Variants in DCC observed in about 807,000 individuals in gnomAD.
The protein encoded by DCC is netrin receptor DCC.
A neutral mutation model predicts 172.5 loss-of-function variants in DCC; 58 were observed. That is an observed-to-expected ratio of 0.34 (90% confidence interval 0.27 to 0.42). The LOEUF is 0.42. Among genes scored for constraint, DCC ranks in the 10% least tolerant of loss-of-function variants. The pLI is 1.00. For missense variants in DCC, 1,740 were observed against 1,791.0 expected, an observed-to-expected ratio of 0.97 and a Z score of 0.51; for synonymous variants, 709 against 644.5, an observed-to-expected ratio of 1.10 and a Z score of -1.52.
chr18:53,465,806 C>T (rs1296183254), intron 24 of DCC, among the ~76,000 whole-genome samples: 1 of 151,358 alleles, frequency 6.6e-6, no homozygotes, highest in African/African-American at 2.4e-5. Flanking sequence ...ACTCTGTTGC[C>T]CAGGCTGGAG....
intron 7 of DCC, among the ~76,000 whole-genome samples, chr18:53,067,293 T>A (rs550214984): frequency 3.3e-5 from 5 of 151,770 alleles, no homozygotes; most frequent in Admixed American, 6.6e-5. Flanking sequence ...GGCCAAGGGG[T>A]GAGGATGGCT....
At chr18:52,498,417 A>T (rs919091167) in intron 1 of DCC, among the ~76,000 whole-genome samples, 15 of 152,238 alleles carry the variant, frequency 9.9e-5, no homozygotes, top group Non-Finnish European at 2.1e-4. Flanking sequence ...TGAGGTCATG[A>T]GTTTGAGACC....
Position 53,305,735 on chromosome 18 carries a change from G to A in DCC, c.2053+16G>A. ...CTATTCACAGGTCAGTGTTCACATG[G>A]TGTAGTCTTGCAAGGTTTTGATGAA... On this transcript the variant is annotated intron_variant, in intron 13 of 28. Coordinates refer to ENST00000442544, the MANE Select transcript of DCC (RefSeq NM_005215.4). 3 of 1,612,872 alleles carry A rather than the reference G, an allele frequency of 1.9e-6. No homozygotes were observed. The highest frequency in any genetic ancestry group is 1.7e-6 in the Non-Finnish European group (2 of 1,178,906).
chr18:53,075,845 C>T (rs905441453), intron 7 of DCC, among the ~76,000 whole-genome samples: 3 of 152,144 alleles, frequency 2.0e-5, no homozygotes, highest in African/African-American at 7.2e-5. Context: ...TAACCCCCAC[C>T]AGTGCAACTG....
At chr18:52,797,426 A>T (rs1827619882) in intron 2 of DCC, among the ~76,000 whole-genome samples, 1 of 152,132 alleles carries the variant, frequency 6.6e-6, no homozygotes, top group South Asian at 2.1e-4. Flanking sequence ...TTTCCTACAG[A>T]TGTATTATAG....
intron 4 of DCC, among the ~76,000 whole-genome samples, chr18:52,925,031 G>A (rs372839881): frequency 8.6e-5 from 13 of 151,634 alleles, no homozygotes; most frequent in African/African-American, 3.1e-4. Flanking sequence ...TTATTTGATC[G>A]CTACACACAA....
chr18:52,924,655 T>C (rs1259039274), intron 4 of DCC, among the ~76,000 whole-genome samples: 26 of 152,086 alleles, frequency 1.7e-4, no homozygotes, highest in Admixed American at 1.7e-3. Flanking sequence ...ATAGAGAAGG[T>C]AAGTCCATCA....
intron 12 of DCC, among the ~76,000 whole-genome samples, chr18:53,272,435 A>T (rs940020654): frequency 6.6e-6 from 1 of 152,164 alleles, no homozygotes. Context: ...ATCTTTTCTC[A>T]CAGAACTATC....
chr18:53,015,926 T>C (rs1169279413), intron 5 of DCC, among the ~76,000 whole-genome samples: 2 of 152,108 alleles, frequency 1.3e-5, no homozygotes. Flanking sequence ...AACCAAAACA[T>C]ATAAAAATAT....
intron 14 of DCC, among the ~76,000 whole-genome samples, chr18:53,331,340 C>T (rs2057527949): frequency 6.6e-6 from 1 of 152,318 alleles, no homozygotes; most frequent in South Asian, 2.1e-4. Flanking sequence ...GGACTAAGAT[C>T]TCTGCCTCCC....
chr18:52,370,471 C>T (rs1015000461), intron 1 of DCC, among the ~76,000 whole-genome samples: 4 of 152,060 alleles, frequency 2.6e-5, no homozygotes, highest in Non-Finnish European at 4.4e-5. Flanking sequence ...GAACAGGAAA[C>T]CAAACACCAC....
chr18:53,462,956 C>T (rs1243904362), intron 24 of DCC, among the ~76,000 whole-genome samples: 1 of 152,258 alleles, frequency 6.6e-6, no homozygotes, highest in Non-Finnish European at 1.5e-5. Flanking sequence ...CAACCTTGCT[C>T]TCTTCAATTA....
At chr18:53,211,534 T>A (rs1323104015) in intron 11 of DCC, among the ~76,000 whole-genome samples, 1 of 152,116 alleles carries the variant, frequency 6.6e-6, no homozygotes, top group Non-Finnish European at 1.5e-5. Flanking sequence ...GCATCCTGGC[T>A]AACATGGTGA....
intron 15 of DCC, among the ~76,000 whole-genome samples, chr18:53,351,290 A>AGTATATATATAT (rs2057789272): frequency 5.4e-5 from 1 of 18,360 alleles, no homozygotes; most frequent in Non-Finnish European, 1.5e-4. Flanking sequence ...CATTGAGTAC[A>AGTATATATATAT]GTATATATAT....
chr18:52,784,268 AATG>A (rs1476927251), intron 2 of DCC, among the ~76,000 whole-genome samples: 1 of 151,758 alleles, frequency 6.6e-6, no homozygotes, highest in African/African-American at 2.4e-5. Flanking sequence ...TTTTATAGTG[AATG>A]ATATTCTATT....
intron 7 of DCC, among the ~76,000 whole-genome samples, chr18:53,134,823 A>T (rs992881574): frequency 2.0e-5 from 3 of 152,216 alleles, no homozygotes; most frequent in African/African-American, 7.2e-5. Context: ...CAGAAGCAAG[A>T]GTGACAGTCT....
rs74948721 is a variant in DCC, at chr18:52,716,281, C to G, written c.92-35773C>G. ...GGCACGTTGGCGGTTTTCTGGGCAA[C>G]AGAAAATCGCAGGATTGTTCCCTGA... On this transcript the variant is annotated intron_variant, in intron 1 of 28. Transcript: ENST00000442544. Among the ~76,000 whole-genome samples the G allele has an allele frequency of 6.1e-4, 93 of 152,332 alleles. No homozygotes were observed. In the East Asian group the frequency reaches 0.017, roughly 28 times the overall value.
At chr18:53,169,026 C>T (rs1253319929) in intron 8 of DCC, among the ~76,000 whole-genome samples, 3 of 152,152 alleles carry the variant, frequency 2.0e-5, no homozygotes, top group Non-Finnish European at 2.9e-5. Flanking sequence ...TATTATAATG[C>T]AATACATTTA....
intron 26 of DCC, 73 bp downstream of exon 26, chr18:53,487,031 T>A: frequency 1.9e-6 from 3 of 1,589,618 alleles, no homozygotes; most frequent in Non-Finnish European, 2.6e-6. Flanking sequence ...ATATGTTGCA[T>A]TCTGACCTTA....
Sources: allele counts gnomAD v4.1 joint callset (sites outside exome capture counted in the v4.1 genomes callset), GRCh38; gene constraint gnomAD v4.1.1; transcripts MANE v1.5; gene names NCBI Gene and HGNC (gene_info 2026-07-23, HGNC 2026-07-21).